The following SLC38A1 variants were observed in gnomAD, a reference collection of about 807,000 sequenced individuals.
SLC38A1 encodes sodium-coupled neutral amino acid symporter 1.
Under a neutral mutation model 60.3 loss-of-function variants are expected in SLC38A1, and 18 were observed. That is an observed-to-expected ratio of 0.30 (90% CI 0.21 to 0.44). The LOEUF is 0.44. SLC38A1 is among the 20% of genes least tolerant of loss of function. SLC38A1 has a pLI of 1.00. For synonymous variants in SLC38A1, 196 were observed against 212.1 expected (o/e 0.92, Z 0.66); for missense variants, 448 against 587.2 (o/e 0.76, Z 2.45).
intron 5 of SLC38A1, among the ~76,000 whole-genome samples, chr12:46,218,514 C>T (rs1380059645): frequency 1.3e-5 from 2 of 152,026 alleles, no homozygotes; most frequent in African/African-American, 2.4e-5. Flanking sequence ...AAGAGGAGCA[C>T]CCAATGGACT....
At chr12:46,208,574 T>C (rs1268255768) in intron 6 of SLC38A1, among the ~76,000 whole-genome samples, 1 of 152,192 alleles carries the variant, frequency 6.6e-6, no homozygotes, top group African/African-American at 2.4e-5. Flanking sequence ...AAATAAACAC[T>C]TCAGGTATTA....
chr12:46,257,448 G>A (rs1372316447), intron 1 of SLC38A1, among the ~76,000 whole-genome samples: 1 of 152,114 alleles, frequency 6.6e-6, no homozygotes, highest in Admixed American at 6.5e-5. Flanking sequence ...TGTCTTAGGA[G>A]AAACTCTAAC....
At chr12:46,200,586 C>T (rs1007221996) in intron 13 of SLC38A1, among the ~76,000 whole-genome samples, 9 of 152,056 alleles carry the variant, frequency 5.9e-5, no homozygotes, top group African/African-American at 2.2e-4. Flanking sequence ...AAAACTTGTT[C>T]CCTTTTTCAG....
chr12:46,189,188 T>G (rs1939039913), intron 16 of SLC38A1, 117 bp from the exon 17 acceptor site: 1 of 686,596 alleles, frequency 1.5e-6, no homozygotes, highest in Non-Finnish European at 2.6e-6. Flanking sequence ...GTATTCAGAG[T>G]TTGTCACAAC....
In SLC38A1 at chr12:46,268,281, C is replaced by A. The variant is rs1004414980; in HGVS notation, c.-209+245G>T. On this transcript the variant is annotated intron_variant, in intron 1 of 16. Transcript: ENST00000398637. The surrounding 1 kb of genome is among the most constrained non-coding windows in gnomAD (Gnocchi z 4.4). ...ACAGGAAAACAAACCAAAAAGTAAG[C>A]CACAGCCCACGCAAAGGTGAACTCG... Among the ~76,000 whole-genome samples the A allele has an allele frequency of 2.6e-5, 4 of 152,202 alleles. No individual in the cohort carries two copies. In the East Asian group the frequency reaches 7.7e-4, roughly 29 times the overall value.
At chr12:46,218,332 A>C (rs1422896284) in intron 5 of SLC38A1, among the ~76,000 whole-genome samples, 1 of 151,264 alleles carries the variant, frequency 6.6e-6, no homozygotes, top group Non-Finnish European at 1.5e-5. Flanking sequence ...AAAGATGTTA[A>C]CTCTTGAGTG....
rs147175183 is a variant in SLC38A1, at chr12:46,203,543, G to A, written c.823-454C>T. Among the ~76,000 whole-genome samples the A allele has an allele frequency of 1.4e-3, 218 of 152,240 alleles. 1 individual carries two copies. Among genetic ancestry groups the A allele is most frequent in the Non-Finnish European group, 2.8e-3 (191 of 68,010 alleles). On this transcript the variant is annotated intron_variant, in intron 11 of 16. Transcript: ENST00000398637. ...CGCTCTACATCAGGTGCATGGAATCGGACTTAAAAGATACCCTCTGAAAAG... is the reference window on the plus strand; with the variant it reads ...CGCTCTACATCAGGTGCATGGAATCAGACTTAAAAGATACCCTCTGAAAAG...
chr12:46,194,578 G>T (rs1212267040), intron 16 of SLC38A1, among the ~76,000 whole-genome samples: 1 of 152,260 alleles, frequency 6.6e-6, no homozygotes, highest in East Asian at 1.9e-4. Context: ...CCAGTCAAAC[G>T]TATATTTGGT....
At chr12:46,220,926 G>C (rs539771105) in intron 5 of SLC38A1, among the ~76,000 whole-genome samples, 1 of 152,238 alleles carries the variant, frequency 6.6e-6, no homozygotes, top group East Asian at 1.9e-4. Flanking sequence ...ATACAAGCAA[G>C]GACTTAGGGC....
chr12:46,243,697 T>C (rs901278116), intron 1 of SLC38A1, among the ~76,000 whole-genome samples: 1 of 152,178 alleles, frequency 6.6e-6, no homozygotes, highest in East Asian at 1.9e-4. Context: ...CATCAGGCTA[T>C]ACGATTAATT....
intron 3 of SLC38A1, among the ~76,000 whole-genome samples, chr12:46,232,471 G>A (rs1457181998): frequency 6.6e-6 from 1 of 152,268 alleles, no homozygotes; most frequent in East Asian, 1.9e-4. Flanking sequence ...TAGCATTGCT[G>A]CTAATAACTG....
intron 1 of SLC38A1, among the ~76,000 whole-genome samples, chr12:46,251,367 T>C (rs1941832438): frequency 6.6e-6 from 1 of 152,188 alleles, no homozygotes; most frequent in African/African-American, 2.4e-5. Flanking sequence ...AAGACCTAAG[T>C]GTTAGACCTG....
At chr12:46,197,479 C>G (rs1939434756) in intron 16 of SLC38A1, 3 of 363,954 alleles carry the variant, frequency 8.2e-6, no homozygotes, top group African/African-American at 4.4e-5. Context: ...TGCACTCCAG[C>G]CTGGGCGACA....
At chr12:46,253,414 A>G (rs1941923294) in intron 1 of SLC38A1, among the ~76,000 whole-genome samples, 1 of 152,216 alleles carries the variant, frequency 6.6e-6, no homozygotes, top group South Asian at 2.1e-4. Context: ...TATGCTAAAC[A>G]AAGTGGATTA....
rs3742057 is a variant in SLC38A1, at chr12:46,184,227, A to G, written c.*4743T>C. 0.15 allele frequency: 23,008 copies of G among 152,228 alleles called. 2,205 individuals carry two copies. The highest frequency in any genetic ancestry group is 0.31 in the South Asian group (1,511 of 4,820). 9.4% of individuals were successfully genotyped at this position (152,228 alleles called of 1,614,324 possible). On this transcript the variant is annotated 3_prime_UTR_variant, in exon 17 of 17. Coordinates refer to ENST00000398637, the MANE Select transcript of SLC38A1 (RefSeq NM_030674.4). ...ATAGTTTTTAGTTGTTAGACACCCC[A>G]CCTTCAGCTTGTACCTGAAAGCTTT...
rs2139172200 is a variant in SLC38A1 at position 46,268,022 on chromosome 12, G to A, written c.-209+504C>T. Among the ~76,000 whole-genome samples the A allele has an allele frequency of 6.6e-6, 1 of 152,276 alleles. No individual in the cohort carries two copies. The highest frequency in any genetic ancestry group is 1.9e-4 in the East Asian group (1 of 5,178). On this transcript the variant is annotated intron_variant, in intron 1 of 16. Coordinates refer to ENST00000398637, the MANE Select transcript of SLC38A1 (RefSeq NM_030674.4). This position sits in a 1 kb window ranked among gnomAD's most constrained non-coding sequence, Gnocchi z 4.4. Reference sequence around the variant, plus strand: ...CCCGGTTTAGTGGTGGTCCGCGGCCGCTACCCAGCCGGCCGCACGCAGCAC... The same window carrying A: ...CCCGGTTTAGTGGTGGTCCGCGGCCACTACCCAGCCGGCCGCACGCAGCAC...
At chr12:46,214,579 G>A (rs540042206) in intron 5 of SLC38A1, among the ~76,000 whole-genome samples, 26 of 152,280 alleles carry the variant, frequency 1.7e-4, no homozygotes, top group African/African-American at 6.3e-4. Flanking sequence ...TCTATACCAT[G>A]ATTGTGGTGG....
intron 3 of SLC38A1, among the ~76,000 whole-genome samples, chr12:46,234,125 T>G (rs915269305): frequency 3.3e-5 from 5 of 152,216 alleles, no homozygotes; most frequent in African/African-American, 9.6e-5. Flanking sequence ...TGGTTTGGAA[T>G]TTTTGGACTG....
At chr12:46,199,421 C>T (rs769477976) in intron 13 of SLC38A1, among the ~76,000 whole-genome samples, 69 of 151,800 alleles carry the variant, frequency 4.5e-4, no homozygotes, top group South Asian at 2.1e-4. Flanking sequence ...GCCATTTTGG[C>T]TCACTGCAAC....
Sources: gnomAD v4.1 joint callset for allele counts (sites outside exome capture counted in the v4.1 genomes callset) on GRCh38, gnomAD v4.1.1 for gene constraint, Gnocchi (gnomAD v3.1) non-coding constraint, MANE v1.5 for transcripts, NCBI Gene and HGNC (gene_info 2026-07-23, HGNC 2026-07-21) for gene names.